The following PMEPA1 variants were observed in gnomAD, a reference collection of about 807,000 sequenced individuals.
PMEPA1 encodes the protein protein TMEPAI.
Under a neutral mutation model 23.0 loss-of-function variants are expected in PMEPA1, and 11 were observed. That is an observed-to-expected ratio of 0.48 (90% confidence interval 0.30 to 0.79). PMEPA1 has a LOEUF of 0.79. PMEPA1 is among the 30% of genes least tolerant of loss of function. PMEPA1 has a pLI of 0.06. For missense variants in PMEPA1, 377 were observed against 390.9 expected (o/e 0.96, Z 0.30); for synonymous variants, 204 against 166.4 (o/e 1.23, Z -1.74).
chr20:57,676,067 A>G (rs1304642448), intron 1 of PMEPA1, among the ~76,000 whole-genome samples: 1 of 152,244 alleles, frequency 6.6e-6, no homozygotes, highest in Non-Finnish European at 1.5e-5. Context: ...TGGGAAGACG[A>G]GGTTCTGACC....
chr20:57,694,379 C>A (rs1334339223), intron 1 of PMEPA1, among the ~76,000 whole-genome samples: 1 of 152,234 alleles, frequency 6.6e-6, no homozygotes, highest in Non-Finnish European at 1.5e-5. Context: ...TTAACCCGAT[C>A]TTAAGCAATA....
chr20:57,702,592 C>G (rs1310514159), intron 1 of PMEPA1, among the ~76,000 whole-genome samples: 1 of 152,164 alleles, frequency 6.6e-6, no homozygotes, highest in African/African-American at 2.4e-5. Context: ...AAAGAAAGCC[C>G]TGGAGCTCAG....
intron 1 of PMEPA1, among the ~76,000 whole-genome samples, chr20:57,664,951 T>G (rs2071472775): frequency 6.6e-6 from 1 of 152,182 alleles, no homozygotes; most frequent in African/African-American, 2.4e-5. Flanking sequence ...TCTGACAGAC[T>G]GCCCCTTTAC....
chr20:57,672,624 G>A (rs1313408116), intron 1 of PMEPA1, among the ~76,000 whole-genome samples: 1 of 152,166 alleles, frequency 6.6e-6, no homozygotes, highest in African/African-American at 2.4e-5. Flanking sequence ...GGAGCAAGAG[G>A]GGCCCAGCTA....
Position 57,683,888 on chromosome 20 carries a change from C to A in PMEPA1, c.110-24191G>T, listed in dbSNP as rs904683115. On this transcript the variant is annotated intron_variant, in intron 1 of 3. Transcript: ENST00000341744. This position sits in a 1 kb window ranked among gnomAD's most constrained non-coding sequence, Gnocchi z 4.3. ...ATGCGGGGCACAATGGGAGTAGCTG[C>A]TCAACAGACCACTCCTGCCTGTGGG... is the stretch of plus-strand genomic sequence containing the variant. 1.3e-5 allele frequency among the ~76,000 whole-genome samples: 2 copies of A among 152,106 alleles called. No individual in the cohort carries two copies. The highest frequency in any genetic ancestry group is 6.5e-5 in the Admixed American group (1 of 15,270).
rs1289023841 is a variant in PMEPA1, at chr20:57,704,725, T to C, written c.109+4749A>G. On this transcript the variant is annotated intron_variant, in intron 1 of 3. Transcript: ENST00000341744. This position sits in a 1 kb window ranked among gnomAD's most constrained non-coding sequence, Gnocchi z 4.6. The stretch of plus-strand genomic sequence containing the variant: ...GGCTTTTAAACTATTGACCGGACTA[T>C]AAACGTTTAAACCCCCTGGCCCTGG... Among the ~76,000 whole-genome samples the C allele has an allele frequency of 6.6e-6, 1 of 152,176 alleles. No individual in the cohort carries two copies. The highest frequency in any genetic ancestry group is 1.5e-5 in the Non-Finnish European group (1 of 68,034).
At chr20:57,701,000 A>C (rs969573054) in intron 1 of PMEPA1, among the ~76,000 whole-genome samples, 3 of 152,076 alleles carry the variant, frequency 2.0e-5, no homozygotes, top group African/African-American at 7.2e-5. Context: ...ACTGCACTCC[A>C]GCCTGGGTGA....
chr20:57,705,238 C>T lies in PMEPA1; in HGVS notation c.109+4236G>A, dbSNP rs73917724. ...ATTTTGTGCTTTGACAAATGCTAAACTCACCTCGACCCTGGGTCACACTGG... is the reference window on the plus strand; with the variant it reads ...ATTTTGTGCTTTGACAAATGCTAAATTCACCTCGACCCTGGGTCACACTGG... On this transcript the variant is annotated intron_variant, in intron 1 of 3. Coordinates refer to ENST00000341744, the MANE Select transcript of PMEPA1 (RefSeq NM_020182.5). Among the ~76,000 whole-genome samples, 555 of 152,338 alleles carry T rather than the reference C, an allele frequency of 3.6e-3. 4 individuals are homozygous for T. The highest frequency in any genetic ancestry group is 0.013 in the African/African-American group (527 of 41,572).
rs1182291414 is a variant in PMEPA1 at position 57,652,490 on chromosome 20, C to G, written c.427G>C (p.Glu143Gln). ...FQPTYPYLQH[E>Q]IDLPPTISLS... The stretch of plus-strand genomic sequence containing the variant: ...GAGATGGTGGGTGGCAGGTCGATCT[C>G]GTGCTGCAGGTACGGATAGGTGGGC... Residue 143 changes from glutamate (E) to glutamine (Q), a missense_variant, in exon 4 of 4, where the codon GAG becomes CAG. Glu to Gln is a conservative substitution (Grantham distance 29, BLOSUM62 2). Coordinates refer to ENST00000341744, the MANE Select transcript of PMEPA1 (RefSeq NM_020182.5). The surrounding 1 kb of genome is among the most constrained non-coding windows in gnomAD (Gnocchi z 6.1). 2 of 1,605,536 alleles carry G rather than the reference C, an allele frequency of 1.2e-6. No homozygotes were observed. Among genetic ancestry groups the G allele is most frequent in the South Asian group, 1.1e-5 (1 of 89,986 alleles).
At chr20:57,690,181 C>T (rs966248) in intron 1 of PMEPA1, among the ~76,000 whole-genome samples, 35,923 of 152,186 alleles carry the variant, frequency 0.24, 5,293 homozygotes, top group East Asian at 0.55. Context: ...CTCCCTGCCT[C>T]TGCCAGCTGG....
At chr20:57,671,223 T>C (rs185938153) in intron 1 of PMEPA1, among the ~76,000 whole-genome samples, 61 of 152,360 alleles carry the variant, frequency 4.0e-4, no homozygotes, top group African/African-American at 1.0e-3. Flanking sequence ...GTTTGAATTA[T>C]TGGCAGAACG....
chr20:57,663,611 T>C (rs1285718208), intron 1 of PMEPA1, among the ~76,000 whole-genome samples: 1 of 152,190 alleles, frequency 6.6e-6, no homozygotes, highest in Non-Finnish European at 1.5e-5. Flanking sequence ...AGGGAGCATC[T>C]AATGGAAGAC....
rs1009374494 is a variant in PMEPA1 at position 57,682,562 on chromosome 20, G to T, written c.110-22865C>A. On this transcript the variant is annotated intron_variant, in intron 1 of 3. Transcript: ENST00000341744. This position sits in a 1 kb window ranked among gnomAD's most constrained non-coding sequence, Gnocchi z 4.4. ...GCTGAATGCTACAGAGCAGGCTCCC[G>T]TGCCCACCGCCCCACACCTGGAAGA... 6.6e-6 allele frequency among the ~76,000 whole-genome samples: 1 copy of T among 152,064 alleles called. No individual in the cohort carries two copies. The highest frequency in any genetic ancestry group is 2.4e-5 in the African/African-American group (1 of 41,378).
Position 57,709,458 on chromosome 20 carries a change from G to A in PMEPA1, c.109+16C>T, listed in dbSNP as rs1196552705. On this transcript the variant is annotated intron_variant, in intron 1 of 3. Transcript: ENST00000341744. ...CCCGATGGAGTCTCCGGGGAGGGGG[G>A]CGTGGGGTCACTCACTGATCTCCAT... The A allele has an allele frequency of 5.4e-6, 6 of 1,106,032 alleles. No individual in the cohort carries two copies. The highest frequency in any genetic ancestry group is 3.2e-5 in the South Asian group (1 of 31,008). 68.5% of individuals were successfully genotyped at this position (1,106,032 alleles called of 1,614,324 possible). A position where few individuals can be genotyped will look rare whatever the true frequency, so the allele number is the denominator to read the frequency against.
intron 1 of PMEPA1, among the ~76,000 whole-genome samples, chr20:57,707,026 T>A (rs115717229): frequency 6.6e-6 from 1 of 152,280 alleles, no homozygotes; most frequent in African/African-American, 2.4e-5. Flanking sequence ...GTGAGGCCCA[T>A]CATGGCTTAA....
chr20:57,657,011 G>A (rs2071335694), intron 2 of PMEPA1, among the ~76,000 whole-genome samples: 1 of 152,198 alleles, frequency 6.6e-6, no homozygotes, highest in African/African-American at 2.4e-5. Context: ...GGCATCCCGG[G>A]CGGCTGTGCA....
intron 1 of PMEPA1, among the ~76,000 whole-genome samples, chr20:57,684,005 C>T (rs2071764385): frequency 6.6e-6 from 1 of 152,128 alleles, no homozygotes; most frequent in Non-Finnish European, 1.5e-5. Flanking sequence ...GACGAAATGT[C>T]CCACCACGCC....
At chr20:57,710,629 G>T, upstream of PMEPA1, 1 of 646,366 alleles carries the variant, frequency 1.5e-6, no homozygotes, top group South Asian at 2.2e-5. Context: ...ATAGCTGTCG[G>T]GGACTGGTGT....
intron 1 of PMEPA1, among the ~76,000 whole-genome samples, chr20:57,661,229 C>T (rs1350474422): frequency 6.6e-6 from 1 of 152,224 alleles, no homozygotes; most frequent in Non-Finnish European, 1.5e-5. Context: ...TTTGATCCTG[C>T]CTGAGCCGGG....
Sources: gnomAD v4.1 joint callset for allele counts (sites outside exome capture counted in the v4.1 genomes callset) on GRCh38, gnomAD v4.1.1 for gene constraint, Gnocchi (gnomAD v3.1) non-coding constraint, MANE v1.5 for transcripts, NCBI Gene and HGNC (gene_info 2026-07-23, HGNC 2026-07-21) for gene names.